JAK1: variants seen among roughly 807,000 people sequenced by gnomAD.
JAK1 encodes Janus kinase 1, also known as tyrosine-protein kinase JAK1.
Under a neutral mutation model 136.6 loss-of-function variants are expected in JAK1, and 16 were observed. That is an observed-to-expected ratio of 0.12 (90% CI 0.08 to 0.18). JAK1 has a LOEUF of 0.18. JAK1 is among the 10% of genes least tolerant of loss of function. The probability of loss-of-function intolerance (pLI) is 1.00; values close to 1 mark genes in which losing one functional copy is unlikely to be tolerated. For synonymous variants in JAK1, 492 were observed against 519.5 expected, an observed-to-expected ratio of 0.95 and a Z score of 0.72; for missense variants, 859 against 1,450.1, an observed-to-expected ratio of 0.59 and a Z score of 6.62.
intron 1 of JAK1, among the ~76,000 whole-genome samples, chr1:64,903,694 T>C (rs1434578354): frequency 1.3e-5 from 2 of 152,192 alleles, no homozygotes; most frequent in Admixed American, 6.5e-5. Context: ...TCCAATCTCT[T>C]AGTGCTGATA....
intron 2 of JAK1, among the ~76,000 whole-genome samples, chr1:64,976,768 C>T (rs1274305373): frequency 6.6e-6 from 1 of 152,164 alleles, no homozygotes. Flanking sequence ...TTCCCTCAGC[C>T]TTTTAATCCT....
intron 2 of JAK1, chr1:64,973,872 T>G (rs1261923744): frequency 6.6e-6 from 1 of 151,916 alleles, no homozygotes; most frequent in Non-Finnish European, 1.5e-5. Context: ...AAGAAAAAAA[T>G]CGGATTAAAT....
chr1:64,844,056 CTG>C lies in JAK1; in HGVS notation c.2403+6_2403+7del. The stretch of plus-strand genomic sequence containing the variant: ...ACTTGCCTCACGCCCCGGGAAACAC[CTG>C]CTCACCTCAATCAGCGTCTTGTCTT... On this transcript the variant is annotated splice_donor_region_variant and intron_variant, in intron 17 of 24. Coordinates refer to ENST00000342505, the MANE Select transcript of JAK1 (RefSeq NM_002227.4). The surrounding 1 kb of genome is among the most constrained non-coding windows in gnomAD (Gnocchi z 5.7). 6.2e-7 allele frequency: 1 copy of C among 1,613,856 alleles called. No individual in the cohort carries two copies. Among genetic ancestry groups the C allele is most frequent in the Middle Eastern group, 1.7e-4 (1 of 5,840 alleles).
chr1:65,041,815 G>A (rs1647136600), intron 2 of JAK1, among the ~76,000 whole-genome samples: 1 of 152,200 alleles, frequency 6.6e-6, no homozygotes, highest in African/African-American at 2.4e-5. Flanking sequence ...AAGGTGGGTG[G>A]ATCACCTGAG....
chr1:64,845,888 G>A (rs946118944), intron 14 of JAK1, among the ~76,000 whole-genome samples: 1 of 152,214 alleles, frequency 6.6e-6, no homozygotes, highest in Non-Finnish European at 1.5e-5. Context: ...TGTAATAACA[G>A]ATGGCGGCTA....
intron 1 of JAK1, among the ~76,000 whole-genome samples, chr1:64,960,089 TTGTGGCACATGTC>T (rs1372052235): frequency 6.6e-6 from 1 of 152,086 alleles, no homozygotes; most frequent in African/African-American, 2.4e-5. Context: ...TAGCTGGGTA[TTGTGGCACATGTC>T]TGTGGTTCCT....
At chr1:64,860,022 A>T (rs1656186460) in intron 9 of JAK1, 83 bp downstream of exon 9, 12 of 1,218,176 alleles carry the variant, frequency 9.9e-6, no homozygotes, top group Non-Finnish European at 1.3e-5. Flanking sequence ...AACTGGCCTG[A>T]CCTAAACAAT....
chr1:64,853,257 G>A (rs917569293), intron 11 of JAK1, among the ~76,000 whole-genome samples: 4 of 152,142 alleles, frequency 2.6e-5, no homozygotes, highest in African/African-American at 7.2e-5. Context: ...TCACACACAG[G>A]CCTTATTCTT....
chr1:64,869,918 CTAGGG>C (rs1656970611), intron 5 of JAK1, among the ~76,000 whole-genome samples: 1 of 152,130 alleles, frequency 6.6e-6, no homozygotes, highest in Non-Finnish European at 1.5e-5. Flanking sequence ...TGGTGTAGCT[CTAGGG>C]AAAGGGGAAC....
rs138720072 is a variant in JAK1 at position 65,006,760 on chromosome 1, A to T, written c.-78+37720T>A. On this transcript the variant is annotated intron_variant, in intron 2 of 25. Coordinates refer to the JAK1 transcript ENST00000671954. ...CTTACCATATTAGCTGAACCTGTAG[A>T]TTCACTGAATTACGCCTTGTATATA... Among the ~76,000 whole-genome samples the T allele has an allele frequency of 1.9e-3, 287 of 152,248 alleles. 5 individuals are homozygous for T. In the South Asian group the frequency reaches 0.03, roughly 16 times the overall value.
intron 1 of JAK1, among the ~76,000 whole-genome samples, chr1:64,892,759 C>G (rs987960467): frequency 1.2e-4 from 18 of 152,196 alleles, no homozygotes; most frequent in Middle Eastern, 3.2e-3. Flanking sequence ...GGCGTTCCCA[C>G]AGTCAACTGG....
At chr1:64,941,892 A>C (rs1645896281) in intron 1 of JAK1, 1 of 152,152 alleles carries the variant, frequency 6.6e-6, no homozygotes, top group African/African-American at 2.4e-5. Context: ...TGTGGTTTAC[A>C]CTACAGATCC....
intron 1 of JAK1, among the ~76,000 whole-genome samples, chr1:64,920,378 T>C (rs1351012888): frequency 6.6e-6 from 1 of 151,986 alleles, no homozygotes; most frequent in East Asian, 1.9e-4. Context: ...CATCTCTACA[T>C]AAAACATAAA....
In JAK1 at chr1:64,886,751, TACACACACACACACAC is replaced by T. The variant is rs3838404; in HGVS notation, c.-77-426_-77-411del. ...AGAATTACCCCGCCCCAACCTTGTC[TACACACACACACACAC>T]ACACACACACACACACACACACACA... On this transcript the variant is annotated intron_variant, in intron 1 of 24. Coordinates refer to ENST00000342505, the MANE Select transcript of JAK1 (RefSeq NM_002227.4). Among the ~76,000 whole-genome samples the T allele has an allele frequency of 2.1e-4, 29 of 138,944 alleles. No individual in the cohort carries two copies. In the East Asian group the frequency reaches 2.2e-3, roughly 10 times the overall value. 91.2% of individuals were successfully genotyped at this position (138,944 alleles called of 152,430 possible).
intron 2 of JAK1, among the ~76,000 whole-genome samples, chr1:64,980,578 T>C (rs373967644): frequency 6.6e-6 from 1 of 151,396 alleles, no homozygotes; most frequent in Non-Finnish European, 1.5e-5. Flanking sequence ...AACTCTTTTT[T>C]TATATATATA....
intron 1 of JAK1, among the ~76,000 whole-genome samples, chr1:64,894,970 T>C (rs1474746561): frequency 3.3e-5 from 5 of 152,140 alleles, no homozygotes; most frequent in African/African-American, 7.2e-5. Context: ...TAATGAGTAA[T>C]GCACTTAGTC....
At chr1:65,042,969 G>C (rs1311675652) in intron 2 of JAK1, among the ~76,000 whole-genome samples, 2 of 152,132 alleles carry the variant, frequency 1.3e-5, no homozygotes, top group African/African-American at 4.8e-5. Flanking sequence ...CACCTTTCAA[G>C]GAGTTTGGTG....
chr1:64,886,896 T>G (rs1326088696), intron 1 of JAK1, among the ~76,000 whole-genome samples: 1 of 152,186 alleles, frequency 6.6e-6, no homozygotes, highest in Non-Finnish European at 1.5e-5. Flanking sequence ...CCTTGGTGAT[T>G]CAAAATTGGT....
At chr1:64,931,187 G>A (rs934567256) in intron 1 of JAK1, among the ~76,000 whole-genome samples, 14 of 152,108 alleles carry the variant, frequency 9.2e-5, no homozygotes, top group South Asian at 6.2e-4. Context: ...ATTCCACATC[G>A]GACTTGATAT....
Sources: allele counts gnomAD v4.1 joint callset (sites outside exome capture counted in the v4.1 genomes callset), GRCh38; gene constraint gnomAD v4.1.1; non-coding constraint Gnocchi (gnomAD v3.1); transcripts MANE v1.5; gene names NCBI Gene and HGNC (gene_info 2026-07-23, HGNC 2026-07-21).